The following KIF13A variants were observed in gnomAD, a reference collection of about 807,000 sequenced individuals.
KIF13A encodes kinesin family member 13A, also known as kinesin-like protein KIF13A.
In KIF13A, 79 loss-of-function variants were observed where a neutral mutation model predicts 212.2. That is an observed-to-expected ratio of 0.37 (90% CI 0.31 to 0.45). The LOEUF (loss-of-function observed/expected upper bound fraction) is 0.45, where lower values mean the gene tolerates loss of function less well. KIF13A is among the 20% of genes least tolerant of loss of function. The pLI is 1.00. For missense variants in KIF13A, 1,901 were observed against 2,209.0 expected (o/e 0.86, Z 2.79); for synonymous variants, 789 against 808.6 (o/e 0.98, Z 0.41).
intron 2 of KIF13A, among the ~76,000 whole-genome samples, chr6:17,902,068 G>A (rs1773099446): frequency 6.6e-6 from 1 of 152,198 alleles, no homozygotes. Flanking sequence ...ACAGACTACT[G>A]TTGAGATACC....
chr6:17,788,820 G>A (rs1214272266), intron 26 of KIF13A, among the ~76,000 whole-genome samples: 4 of 152,122 alleles, frequency 2.6e-5, no homozygotes. Context: ...TGCCTCCTAG[G>A]TTTAAGCGAT....
chr6:17,920,873 CAAA>C lies in KIF13A; in HGVS notation c.147-22696_147-22694del, dbSNP rs10707103. On this transcript the variant is annotated intron_variant, in intron 2 of 38. Coordinates refer to ENST00000259711, the MANE Select transcript of KIF13A (RefSeq NM_022113.6). Reference sequence around the variant, plus strand: ...TGGGTGATAGGGCAGGACTATGTCTCAAAAAAAAAAAAAAAAAAGTAATATGCA... The same window carrying C: ...TGGGTGATAGGGCAGGACTATGTCTCAAAAAAAAAAAAAAAGTAATATGCA... 1.6e-3 allele frequency among the ~76,000 whole-genome samples: 220 copies of C among 135,142 alleles called. 2 individuals carry two copies. The highest frequency in any genetic ancestry group is 4.2e-3 in the African/African-American group (148 of 35,290). 88.7% of individuals were successfully genotyped at this position (135,142 alleles called of 152,430 possible). A position where few individuals can be genotyped will look rare whatever the true frequency, so the allele number is the denominator to read the frequency against.
chr6:17,801,110 C>G (rs542367607), intron 20 of KIF13A, among the ~76,000 whole-genome samples: 1 of 152,050 alleles, frequency 6.6e-6, no homozygotes, highest in African/African-American at 2.4e-5. Context: ...ATTCATTTGA[C>G]CAAACAGCTA....
chr6:17,803,187 G>A (rs1268017204), intron 20 of KIF13A, among the ~76,000 whole-genome samples: 1 of 152,036 alleles, frequency 6.6e-6, no homozygotes, highest in Non-Finnish European at 1.5e-5. Flanking sequence ...ACCTGCCTCT[G>A]CCTCCCAAAG....
In KIF13A at chr6:17,789,580, A is replaced by T. The variant is rs1315791408; in HGVS notation, c.3261+292T>A. Among the ~76,000 whole-genome samples the T allele has an allele frequency of 6.6e-6, 1 of 152,178 alleles. No individual in the cohort carries two copies. Among genetic ancestry groups the T allele is most frequent in the Non-Finnish European group, 1.5e-5 (1 of 68,038 alleles). ...CAGGAGTTTTATTATTACTCAAATC[A>T]GTCTCCAGATCATCCATTTTAATAC... is the stretch of plus-strand genomic sequence containing the variant. On this transcript the variant is annotated intron_variant, in intron 26 of 38. Coordinates refer to ENST00000259711, the MANE Select transcript of KIF13A (RefSeq NM_022113.6). The surrounding 1 kb of genome is among the most constrained non-coding windows in gnomAD (Gnocchi z 4.8).
rs1278948111 is a variant in KIF13A, at chr6:17,811,251, C to T, written c.2001-2321G>A. On this transcript the variant is annotated intron_variant, in intron 17 of 38. Transcript: ENST00000259711. This position sits in a 1 kb window ranked among gnomAD's most constrained non-coding sequence, Gnocchi z 6.0. ...CTTACTGTGCAGTCTGTCCACTTAGCGATTACATGCTTTTCACTTCAATAC... is the reference window on the plus strand; with the variant it reads ...CTTACTGTGCAGTCTGTCCACTTAGTGATTACATGCTTTTCACTTCAATAC... 1.3e-5 allele frequency among the ~76,000 whole-genome samples: 2 copies of T among 152,128 alleles called. No homozygotes were observed. The highest frequency in any genetic ancestry group is 3.2e-3 in the Middle Eastern group (1 of 316).
At chr6:17,795,630 T>C (rs1581950361) in intron 23 of KIF13A, among the ~76,000 whole-genome samples, 1 of 151,954 alleles carries the variant, frequency 6.6e-6, no homozygotes, top group Middle Eastern at 3.4e-3. Context: ...TGTACAATTC[T>C]ATTTGTGGAC....
chr6:17,805,990 G>C (rs1179141169), intron 18 of KIF13A, among the ~76,000 whole-genome samples: 1 of 148,272 alleles, frequency 6.7e-6, no homozygotes, highest in Non-Finnish European at 1.5e-5. Context: ...TATGATCTTA[G>C]TGCACTGCAG....
rs1452255286 is a variant in KIF13A at position 17,785,647 on chromosome 6, GA to G, written c.3362-7del. ...CACATCGTCCTCTGTTTTCTCTGCA[GA>G]AAAAAATGAGGAGATCAATGCCAAC... On this transcript the variant is annotated splice_region_variant and splice_polypyrimidine_tract_variant and intron_variant, in intron 27 of 38. Coordinates refer to ENST00000259711, the MANE Select transcript of KIF13A (RefSeq NM_022113.6). This position sits in a 1 kb window ranked among gnomAD's most constrained non-coding sequence, Gnocchi z 5.8. 2 of 1,599,342 alleles carry G rather than the reference GA, an allele frequency of 1.3e-6. No individual in the cohort carries two copies. The highest frequency in any genetic ancestry group is 2.3e-5 in the South Asian group (2 of 88,194).
chr6:17,775,411 ATATT>A (rs1177670945), intron 34 of KIF13A, among the ~76,000 whole-genome samples: 3 of 152,294 alleles, frequency 2.0e-5, no homozygotes, highest in South Asian at 2.1e-4. Flanking sequence ...TACAACCTGT[ATATT>A]TATGAGAATC....
rs538016773 is a variant in KIF13A at position 17,789,468 on chromosome 6, A to T, written c.3261+404T>A. 6.6e-6 allele frequency among the ~76,000 whole-genome samples: 1 copy of T among 152,348 alleles called. No homozygotes were observed. The highest frequency in any genetic ancestry group is 2.1e-4 in the South Asian group (1 of 4,828). On this transcript the variant is annotated intron_variant, in intron 26 of 38. Coordinates refer to ENST00000259711, the MANE Select transcript of KIF13A (RefSeq NM_022113.6). The surrounding 1 kb of genome is among the most constrained non-coding windows in gnomAD (Gnocchi z 4.8). ...TTTAGCATGGGAAAGATAAGAGTCT[A>T]TCTAAAAGATTATGGATGGATAACT...
intron 2 of KIF13A, among the ~76,000 whole-genome samples, chr6:17,906,727 A>G (rs920514870): frequency 6.6e-6 from 1 of 152,120 alleles, no homozygotes; most frequent in East Asian, 1.9e-4. Context: ...GGCTGAGATT[A>G]CACGCATTAG....
intron 2 of KIF13A, among the ~76,000 whole-genome samples, chr6:17,964,983 A>G (rs1373076134): frequency 1.3e-5 from 2 of 151,886 alleles, no homozygotes; most frequent in African/African-American, 4.8e-5. Flanking sequence ...CACCACACCC[A>G]GCTAATTTTT....
rs1485117575 is a variant in KIF13A at position 17,805,568 on chromosome 6, T to C, written c.2211A>G (p.Gly737=). Residue 737 remains glycine (G), a synonymous_variant, in exon 19 of 39, where the codon GGA becomes GGG. Coordinates refer to ENST00000259711, the MANE Select transcript of KIF13A (RefSeq NM_022113.6). The stretch of plus-strand genomic sequence containing the variant: ...CAATGGTCCACACTTGGGTGCTCTT[T>C]CCTTTCCTCCTCACTTGGATAGCTG... ...SEPAIQVRRK[G]KSTQVWTIEK... is the part of the protein sequence containing the mutation. 6.2e-7 allele frequency: 1 copy of C among 1,613,064 alleles called. No homozygotes were observed. Among genetic ancestry groups the C allele is most frequent in the African/African-American group, 1.3e-5 (1 of 74,924 alleles).
chr6:17,875,157 G>A (rs1042843346), intron 3 of KIF13A, among the ~76,000 whole-genome samples: 2 of 151,914 alleles, frequency 1.3e-5, no homozygotes, highest in African/African-American at 2.4e-5. Flanking sequence ...TTTTCCTCTG[G>A]ATAGATACCC....
Position 17,838,961 on chromosome 6 carries a change from A to T in KIF13A, c.831-1378T>A, listed in dbSNP as rs899730722. Among the ~76,000 whole-genome samples, 8 of 152,158 alleles carry T rather than the reference A, an allele frequency of 5.3e-5. No homozygotes were observed. Among genetic ancestry groups the T allele is most frequent in the African/African-American group, 1.7e-4 (7 of 41,444 alleles). On this transcript the variant is annotated intron_variant, in intron 9 of 38. Transcript: ENST00000259711. This position sits in a 1 kb window ranked among gnomAD's most constrained non-coding sequence, Gnocchi z 4.2. Reference sequence around the variant, plus strand: ...CAGCCTCCTGAGTAGCTGGGATTACAGGCGCCCGCCACCACATCTGGCTGA... The same window carrying T: ...CAGCCTCCTGAGTAGCTGGGATTACTGGCGCCCGCCACCACATCTGGCTGA...
intron 22 of KIF13A, 27 bp from the exon 23 acceptor site, chr6:17,796,847 A>C: frequency 7.0e-7 from 1 of 1,438,776 alleles, no homozygotes; most frequent in Non-Finnish European, 9.3e-7. Flanking sequence ...AAAGCAAAAG[A>C]ATTATGCTTA....
At chr6:17,972,271 T>A (rs1581906794) in intron 2 of KIF13A, among the ~76,000 whole-genome samples, 1 of 152,248 alleles carries the variant, frequency 6.6e-6, no homozygotes, top group African/African-American at 2.4e-5. Flanking sequence ...TTTCTCAATG[T>A]CATAATGTAA....
chr6:17,872,207 C>T lies in KIF13A; in HGVS notation c.220+1170G>A, dbSNP rs1402306793. On this transcript the variant is annotated intron_variant, in intron 4 of 38. Coordinates refer to ENST00000259711, the MANE Select transcript of KIF13A (RefSeq NM_022113.6). This position sits in a 1 kb window ranked among gnomAD's most constrained non-coding sequence, Gnocchi z 4.7. The stretch of plus-strand genomic sequence containing the variant: ...AAAATTATGTTATCAAACAATTTCT[C>T]AAGTTTGCTTTATATGGCAAGGAAA... Among the ~76,000 whole-genome samples, 2 of 152,304 alleles carry T rather than the reference C, an allele frequency of 1.3e-5. No homozygotes were observed. The highest frequency in any genetic ancestry group is 1.9e-4 in the East Asian group (1 of 5,186).
Sources: gnomAD v4.1 joint callset for allele counts (sites outside exome capture counted in the v4.1 genomes callset) on GRCh38, gnomAD v4.1.1 for gene constraint, Gnocchi (gnomAD v3.1) non-coding constraint, MANE v1.5 for transcripts, NCBI Gene and HGNC (gene_info 2026-07-23, HGNC 2026-07-21) for gene names.